Variants in CCSER1 observed in about 807,000 individuals in gnomAD.
The protein encoded by CCSER1 is coiled-coil serine rich protein 1, also known as serine-rich coiled-coil domain-containing protein 1.
In CCSER1, 41 loss-of-function variants were observed where a neutral mutation model predicts 82.0. The ratio of observed to expected loss-of-function variants is 0.50; its 90% CI spans 0.39 to 0.65. The LOEUF (loss-of-function observed/expected upper bound fraction) is 0.65, where lower values mean the gene tolerates loss of function less well. CCSER1 is among the 30% of genes least tolerant of loss of function. The probability of loss-of-function intolerance (pLI) is 0.00; values close to 1 mark genes in which losing one functional copy is unlikely to be tolerated. For synonymous variants in CCSER1, 414 were observed against 383.9 expected, an observed-to-expected ratio of 1.08 and a Z score of -0.92; for missense variants, 1,119 against 1,064.2, an observed-to-expected ratio of 1.05 and a Z score of -0.72.
At chr4:91,161,774 C>A (rs1006273016) in intron 10 of CCSER1, among the ~76,000 whole-genome samples, 6 of 151,810 alleles carry the variant, frequency 4.0e-5, no homozygotes, top group Non-Finnish European at 8.8e-5. Flanking sequence ...ACATAATAAG[C>A]AACATGAAGC....
chr4:91,483,359 T>A (rs1462560554), intron 10 of CCSER1, among the ~76,000 whole-genome samples: 1 of 152,076 alleles, frequency 6.6e-6, no homozygotes, highest in Admixed American at 6.5e-5. Context: ...TAGAAAAATA[T>A]GTCCTCTCTT....
intron 4 of CCSER1, among the ~76,000 whole-genome samples, chr4:90,407,244 C>T (rs931095941): frequency 3.9e-5 from 6 of 152,126 alleles, no homozygotes; most frequent in Non-Finnish European, 8.8e-5. Context: ...CCTTTACACA[C>T]ATAAACTAGT....
chr4:91,248,555 G>A (rs1475138272), intron 10 of CCSER1, among the ~76,000 whole-genome samples: 3 of 152,060 alleles, frequency 2.0e-5, no homozygotes, highest in Non-Finnish European at 2.9e-5. Flanking sequence ...TAAATCCCAA[G>A]TAAGCTACAA....
intron 7 of CCSER1, among the ~76,000 whole-genome samples, chr4:90,802,977 CT>C (rs1757025707): frequency 6.7e-6 from 1 of 148,272 alleles, no homozygotes; most frequent in Non-Finnish European, 1.5e-5. Flanking sequence ...GTTTTTTAAT[CT>C]TTTGAATTTT....
intron 3 of CCSER1, among the ~76,000 whole-genome samples, chr4:90,371,525 T>G (rs986659671): frequency 1.3e-5 from 2 of 148,664 alleles, no homozygotes; most frequent in African/African-American, 5.0e-5. Context: ...CCAACTCCCT[T>G]AAGACTAGTA....
At chr4:91,315,251 C>A (rs746067608) in intron 10 of CCSER1, among the ~76,000 whole-genome samples, 1 of 151,728 alleles carries the variant, frequency 6.6e-6, no homozygotes, top group Non-Finnish European at 1.5e-5. Context: ...TCTGAATTGG[C>A]CCTCAGGAAA....
intron 9 of CCSER1, among the ~76,000 whole-genome samples, chr4:90,947,013 A>C (rs1380428010): frequency 1.3e-5 from 2 of 152,220 alleles, no homozygotes; most frequent in African/African-American, 4.8e-5. Context: ...GTTATGTTGC[A>C]GTCTCAGCGG....
At chr4:90,449,848 C>A (rs1437942406) in intron 4 of CCSER1, among the ~76,000 whole-genome samples, 4 of 152,184 alleles carry the variant, frequency 2.6e-5, no homozygotes, top group African/African-American at 9.6e-5. Context: ...AGCTGGGTGG[C>A]TGCATCTTTA....
intron 4 of CCSER1, among the ~76,000 whole-genome samples, chr4:90,403,196 C>T (rs548404265): frequency 3.9e-4 from 59 of 152,210 alleles, no homozygotes; most frequent in Non-Finnish European, 2.9e-4. Flanking sequence ...TATTAAGCAA[C>T]ATAATTAAAG....
intron 3 of CCSER1, among the ~76,000 whole-genome samples, chr4:90,334,553 C>CAA (rs11393986): frequency 7.5e-5 from 11 of 147,544 alleles, no homozygotes; most frequent in East Asian, 5.9e-4. Context: ...ACTTTGCTGC[C>CAA]AAAAAAAAAA....
rs111555304 is a variant in CCSER1 at position 91,512,502 on chromosome 4, C to T, written c.2218-86070C>T. Among the ~76,000 whole-genome samples the T allele has an allele frequency of 9.1e-4, 139 of 152,226 alleles. 1 individual carries two copies. The highest frequency in any genetic ancestry group is 2.2e-3 in the African/African-American group (90 of 41,560). ...TCCCTACTTTTGAGGTTTTGGGACT[C>T]GGACTGATCCACCACTGGCTTTCTT... On this transcript the variant is annotated intron_variant, in intron 10 of 10. Coordinates refer to ENST00000509176, the MANE Select transcript of CCSER1 (RefSeq NM_001145065.2).
chr4:91,308,574 C>T (rs1250663783), intron 10 of CCSER1, among the ~76,000 whole-genome samples: 1 of 144,722 alleles, frequency 6.9e-6, no homozygotes, highest in Non-Finnish European at 1.5e-5. Context: ...TAGAGGCTAT[C>T]CTTTAACAAC....
At chr4:90,757,625 C>G (rs889993976) in intron 7 of CCSER1, among the ~76,000 whole-genome samples, 1 of 152,122 alleles carries the variant, frequency 6.6e-6, no homozygotes, top group Non-Finnish European at 1.5e-5. Context: ...TCCATTCAAC[C>G]AAGGAAGCAG....
At chr4:90,329,873 A>G (rs546149957) in intron 3 of CCSER1, among the ~76,000 whole-genome samples, 222 of 152,310 alleles carry the variant, frequency 1.5e-3, no homozygotes, top group African/African-American at 5.2e-3. Context: ...TTAAATAAAT[A>G]CAAGTTTAAC....
chr4:90,306,324 G>A (rs1227579531), intron 1 of CCSER1, among the ~76,000 whole-genome samples: 1 of 152,006 alleles, frequency 6.6e-6, no homozygotes, highest in Non-Finnish European at 1.5e-5. Context: ...ATTTCAAAAT[G>A]GCTAAAAGAG....
intron 10 of CCSER1, among the ~76,000 whole-genome samples, chr4:91,144,312 A>AT (rs1016444374): frequency 6.6e-6 from 1 of 151,050 alleles, no homozygotes; most frequent in African/African-American, 2.4e-5. Context: ...TTATAGTGTC[A>AT]TTTTTGTTGT....
chr4:91,545,708 C>T (rs559806144), intron 10 of CCSER1, among the ~76,000 whole-genome samples: 19 of 152,076 alleles, frequency 1.2e-4, no homozygotes, highest in South Asian at 4.2e-4. Flanking sequence ...AGATTTACTC[C>T]GTAGATAATC....
At chr4:90,270,962 T>G (rs1472614365) in intron 1 of CCSER1, among the ~76,000 whole-genome samples, 1 of 152,140 alleles carries the variant, frequency 6.6e-6, no homozygotes, top group African/African-American at 2.4e-5. Context: ...CAATGGAAAC[T>G]ATAAAATATT....
intron 10 of CCSER1, among the ~76,000 whole-genome samples, chr4:91,269,145 C>A (rs1741835778): frequency 6.6e-6 from 1 of 152,136 alleles, no homozygotes; most frequent in African/African-American, 2.4e-5. Flanking sequence ...TGTATGTCAA[C>A]CAAAGCAACA....
Sources: allele counts gnomAD v4.1 joint callset (sites outside exome capture counted in the v4.1 genomes callset), GRCh38; gene constraint gnomAD v4.1.1; transcripts MANE v1.5; gene names NCBI Gene and HGNC (gene_info 2026-07-23, HGNC 2026-07-21).